CASK: variants seen among roughly 807,000 people sequenced by gnomAD.
The protein encoded by CASK is peripheral plasma membrane protein CASK.
Under a neutral mutation model 82.9 loss-of-function variants are expected in CASK, and 4 were observed. That is an observed-to-expected ratio of 0.05 (90% CI 0.02 to 0.11). The LOEUF is 0.11. Among genes scored for constraint, CASK ranks in the 10% least tolerant of loss-of-function variants. The pLI, the probability that CASK is intolerant of heterozygous loss-of-function variation, is 1.00. For missense variants in CASK, 358 were observed against 720.9 expected, an observed-to-expected ratio of 0.50 and a Z score of 5.76; for synonymous variants, 259 against 253.5, an observed-to-expected ratio of 1.02 and a Z score of -0.20.
chrX:41,915,892 G>T (rs1326919127), intron 1 of CASK, among the ~76,000 whole-genome samples: 2 of 111,566 alleles, frequency 1.8e-5, no homozygotes, highest in African/African-American at 6.5e-5. Context: ...GGAGGCTGAG[G>T]CAGGAGAATG....
intron 5 of CASK, among the ~76,000 whole-genome samples, chrX:41,702,436 G>T (rs1442336997): frequency 2.8e-5 from 3 of 108,926 alleles, no homozygotes; most frequent in East Asian, 5.8e-4. Context: ...AACATAAATT[G>T]CCATTAATAT....
rs183561365 is a variant in CASK, at chrX:41,620,937, C to A, written c.1033+1680G>T. On this transcript the variant is annotated intron_variant, in intron 11 of 26. Transcript: ENST00000378163. The stretch of plus-strand genomic sequence containing the variant: ...CGTATAGATGTTATAATCTCTAATG[C>A]CATTATGATTATTAAAATAGTTTAT... Among the ~76,000 whole-genome samples, 5 of 111,649 alleles carry A rather than the reference C, an allele frequency of 4.5e-5. 1 individual carries two copies. In the Admixed American group the frequency reaches 4.8e-4, roughly 11 times the overall value.
chrX:41,756,042 G>GTATATGGAATTGGCCTT (rs1339122182), intron 3 of CASK, among the ~76,000 whole-genome samples: 1 of 112,114 alleles, frequency 8.9e-6, no homozygotes, highest in Non-Finnish European at 1.9e-5. Flanking sequence ...AATCTAAAAT[G>GTATATGGAATTGGCCTT]TATATGGAAT....
intron 1 of CASK, among the ~76,000 whole-genome samples, chrX:41,904,275 A>G (rs1319561781): frequency 8.9e-6 from 1 of 112,052 alleles, no homozygotes; most frequent in Non-Finnish European, 1.9e-5. Context: ...ATGATCATCT[A>G]TGTAGACTAT....
At chrX:41,618,153 A>G (rs2066229302) in intron 11 of CASK, among the ~76,000 whole-genome samples, 1 of 112,742 alleles carries the variant, frequency 8.9e-6, no homozygotes, top group Non-Finnish European at 1.9e-5. Flanking sequence ...TTAACCACAG[A>G]AAACAATTTC....
In CASK at chrX:41,679,060, C is replaced by T. The variant is rs185350894; in HGVS notation, c.430-7530G>A. ...CTGCAGTTGTGCCACTGCACCCCTG[C>T]GTGGGTGACAGCAAGACCCTGTCTC... On this transcript the variant is annotated intron_variant, in intron 5 of 26. Transcript: ENST00000378163. 8.2e-5 allele frequency among the ~76,000 whole-genome samples: 9 copies of T among 109,935 alleles called. No homozygotes were observed. The East Asian group carries it at 1.7e-3, about 21-fold the overall frequency.
chrX:41,632,685 C>T (rs959623851), intron 9 of CASK, among the ~76,000 whole-genome samples: 1 of 112,058 alleles, frequency 8.9e-6, no homozygotes, highest in Non-Finnish European at 1.9e-5. Context: ...ACAAACCTTT[C>T]GTAGTTATGC....
At chrX:41,796,773 C>T (rs779748061) in intron 2 of CASK, among the ~76,000 whole-genome samples, 7 of 111,645 alleles carry the variant, frequency 6.3e-5, no homozygotes, top group Non-Finnish European at 1.3e-4. Context: ...CAAAACCTGT[C>T]CATTCTATTT....
chrX:41,560,355 C>A (rs2065211010), intron 17 of CASK, among the ~76,000 whole-genome samples: 1 of 109,661 alleles, frequency 9.1e-6, no homozygotes, highest in Non-Finnish European at 1.9e-5. Context: ...ACTCTGCCTT[C>A]CAGGTTCCAG....
At position 41,569,834 on chromosome X, in the gene CASK, T is replaced by A. The variant is rs1057410650; in HGVS notation, c.1504-88A>T. ...TATTTGTGATTTTGCGGTAGATAAT[T>A]TTAATTACCAGTTAAAAAAAATTAA... is the stretch of plus-strand genomic sequence containing the variant. On this transcript the variant is annotated intron_variant, in intron 15 of 26. Transcript: ENST00000378163. 6 of 564,427 alleles carry A rather than the reference T, an allele frequency of 1.1e-5. No homozygotes were observed. In the South Asian group the frequency reaches 1.8e-4, roughly 17 times the overall value. The allele number at this position is 564,427 out of a possible 1,213,427, so 46.5% of individuals were successfully genotyped here.
At chrX:41,891,101 G>A (rs1235869848) in intron 1 of CASK, among the ~76,000 whole-genome samples, 1 of 109,108 alleles carries the variant, frequency 9.2e-6, no homozygotes, top group African/African-American at 3.4e-5. Flanking sequence ...TGTTGGTCAA[G>A]CTGGTCTCGA....
chrX:41,920,399 G>A (rs1321083317), intron 1 of CASK, among the ~76,000 whole-genome samples: 1 of 111,982 alleles, frequency 8.9e-6, no homozygotes, highest in East Asian at 2.8e-4. Context: ...CAATTTACTA[G>A]AGAAACCTTC....
At chrX:41,652,719 C>T (rs772901534) in intron 8 of CASK, among the ~76,000 whole-genome samples, 1 of 112,132 alleles carries the variant, frequency 8.9e-6, no homozygotes, top group Non-Finnish European at 1.9e-5. Flanking sequence ...ATGGAGGTTC[C>T]TGGAGGGTGG....
intron 5 of CASK, among the ~76,000 whole-genome samples, chrX:41,722,417 G>C (rs141299316): frequency 2.4e-3 from 272 of 112,722 alleles, no homozygotes; most frequent in African/African-American, 8.3e-3. Context: ...TCTTGAATTA[G>C]TTGCTTTGAG....
intron 5 of CASK, 43 bp from the exon 6 acceptor site, chrX:41,671,573 C>G (rs774241589): frequency 9.7e-6 from 8 of 822,228 alleles, no homozygotes; most frequent in Non-Finnish European, 1.3e-5. Flanking sequence ...AAAACAAACC[C>G]GAAGATAAGG....
At chrX:41,756,685 A>C (rs2068902047) in intron 3 of CASK, among the ~76,000 whole-genome samples, 1 of 112,483 alleles carries the variant, frequency 8.9e-6, no homozygotes, top group South Asian at 3.6e-4. Context: ...TATATGCATT[A>C]ACTCATTCAA....
At chrX:41,915,609 A>C (rs991256054) in intron 1 of CASK, among the ~76,000 whole-genome samples, 3 of 111,697 alleles carry the variant, frequency 2.7e-5, no homozygotes, top group Non-Finnish European at 3.8e-5. Context: ...CACGCCTGTA[A>C]TCCCAGCACT....
chrX:41,915,335 TAAAGAGGAGATAGAGACAG>T (rs2072655160), intron 1 of CASK, among the ~76,000 whole-genome samples: 1 of 112,435 alleles, frequency 8.9e-6, no homozygotes, highest in Admixed American at 9.4e-5. Context: ...GGGCAGCAGC[TAAAGAGGAGATAGAGACAG>T]ACAGATACAT....
chrX:41,823,665 C>A (rs1263141777), intron 2 of CASK, among the ~76,000 whole-genome samples: 2 of 111,505 alleles, frequency 1.8e-5, no homozygotes, highest in African/African-American at 6.5e-5. Context: ...TTTGACAACA[C>A]AGAAAATCTT....
Sources: allele counts gnomAD v4.1 joint callset (sites outside exome capture counted in the v4.1 genomes callset), GRCh38; gene constraint gnomAD v4.1.1; transcripts MANE v1.5; gene names NCBI Gene and HGNC (gene_info 2026-07-23, HGNC 2026-07-21).